The following PCNT variants were observed in gnomAD, a reference collection of about 807,000 sequenced individuals.
The protein encoded by PCNT is pericentrin.
A neutral mutation model predicts 380.4 loss-of-function variants in PCNT; 319 were observed. The ratio of observed to expected loss-of-function variants is 0.84; its 90% CI spans 0.77 to 0.92. The LOEUF is 0.92. Among genes scored for constraint, PCNT ranks in the 40% least tolerant of loss-of-function variants. The pLI, the probability that PCNT is intolerant of heterozygous loss-of-function variation, is 0.00. For missense variants in PCNT, 4,400 were observed against 4,255.3 expected (o/e 1.03, Z -0.95); for synonymous variants, 1,845 against 1,735.2 (o/e 1.06, Z -1.57).
rs969283230 is a variant in PCNT, at chr21:46,422,041, G to T, written c.7096G>T (p.Val2366Leu). The change falls in exon 32 of 47, where the codon GTG (valine) becomes TTG (leucine). Residue 2366 changes from valine (V) to leucine (L), a missense_variant. Physicochemically the swap from Val to Leu is conservative, Grantham distance 32 (BLOSUM62 1). Coordinates refer to ENST00000359568, the MANE Select transcript of PCNT (RefSeq NM_006031.6). ...CCCTGAGGCTCAAACTGCTGGTCCT[G>T]TGACCCCTGCTTCCATCTCTGGAAG... is the stretch of plus-strand genomic sequence containing the variant. ...GGPEAQTAGP[V>L]TPASISGRFQ... 1.2e-6 allele frequency: 2 copies of T among 1,614,078 alleles called. No individual in the cohort carries two copies. Among genetic ancestry groups the T allele is most frequent in the East Asian group, 2.2e-5 (1 of 44,872 alleles).
At chr21:46,417,175 G>T (rs1222203818) in intron 30 of PCNT, among the ~76,000 whole-genome samples, 1 of 142,842 alleles carries the variant, frequency 7.0e-6, no homozygotes, top group Non-Finnish European at 1.5e-5. Context: ...TTATTTTTAG[G>T]AATGCTTCCT....
chr21:46,325,190 G>A (rs970040457), intron 1 of PCNT: 1 of 985,654 alleles, frequency 1.0e-6, no homozygotes, highest in Non-Finnish European at 1.2e-6. Flanking sequence ...GGAACCGCGG[G>A]AGCAGGCCGG....
rs111408414 is a variant in PCNT, at chr21:46,440,049, C to T, written c.9274-34C>T. ...CTAAGATGCTCTTGTTGACGAGCAG[C>T]TCTGTAGACAGCGCTGGCTGTGCTT... On this transcript the variant is annotated intron_variant, in intron 41 of 46. Coordinates refer to ENST00000359568, the MANE Select transcript of PCNT (RefSeq NM_006031.6). 123 of 1,613,658 alleles carry T rather than the reference C, an allele frequency of 7.6e-5. 2 individuals are homozygous for T. In the African/African-American group the frequency reaches 1.0e-3, roughly 13 times the overall value.
rs1299568084 is a variant in PCNT, at chr21:46,382,126, C to T, written c.3312+286C>T. ...GCATTCAGTGGCAGAAGCACATTCA[C>T]GGTGTTGTGCATTCAGTGGCGGAAG... On this transcript the variant is annotated intron_variant, in intron 16 of 46. Coordinates refer to ENST00000359568, the MANE Select transcript of PCNT (RefSeq NM_006031.6). Among the ~76,000 whole-genome samples, 8 of 137,648 alleles carry T rather than the reference C, an allele frequency of 5.8e-5. No homozygotes were observed. In the East Asian group the frequency reaches 6.7e-4, roughly 12 times the overall value. 90.3% of individuals were successfully genotyped at this position (137,648 alleles called of 152,430 possible).
chr21:46,405,240 AT>A (rs1248932020), intron 27 of PCNT, among the ~76,000 whole-genome samples: 20 of 152,246 alleles, frequency 1.3e-4, no homozygotes, highest in African/African-American at 4.8e-4. Context: ...CTAAAAAAAA[AT>A]AATTTTGGAG....
intron 13 of PCNT, among the ~76,000 whole-genome samples, chr21:46,359,407 C>G (rs1380723771): frequency 7.0e-6 from 1 of 141,966 alleles, no homozygotes; most frequent in Non-Finnish European, 1.6e-5. Flanking sequence ...CACGTGTACA[C>G]ATTTGTGATT....
At chr21:46,399,215 TC>T (rs1418086624) in intron 24 of PCNT, among the ~76,000 whole-genome samples, 2 of 84,398 alleles carry the variant, frequency 2.4e-5, no homozygotes, top group Non-Finnish European at 4.9e-5. Context: ...ACCCTATACT[TC>T]CTTTAGATCT....
intron 13 of PCNT, among the ~76,000 whole-genome samples, chr21:46,358,049 G>T (rs2084541307): frequency 6.6e-6 from 1 of 152,220 alleles, no homozygotes. Flanking sequence ...TGCTGGAGCA[G>T]TGGATTTCAA....
intron 1 of PCNT, chr21:46,324,757 T>C: frequency 2.1e-6 from 1 of 486,670 alleles, no homozygotes; most frequent in Non-Finnish European, 2.7e-6. Context: ...GGTATTCGGG[T>C]GGCTGCTTGG....
intron 24 of PCNT, 138 bp from the exon 25 acceptor site, chr21:46,399,452 G>A: frequency 2.9e-6 from 2 of 696,508 alleles, no homozygotes; most frequent in Non-Finnish European, 5.2e-6. Flanking sequence ...CAGCCTGTGA[G>A]TCTAGGTCTC....
chr21:46,399,555 C>T (rs1457051097), intron 24 of PCNT, 35 bp from the exon 25 acceptor site: 2 of 1,490,896 alleles, frequency 1.3e-6, no homozygotes, highest in African/African-American at 1.4e-5. Context: ...ATAAAACATT[C>T]TATTGTATTC....
At position 46,436,117 on chromosome 21, in the gene PCNT, C is replaced by T. The variant is rs1365044321; in HGVS notation, c.8965C>T (p.Leu2989Phe). 1 of 1,609,904 alleles carries T rather than the reference C, an allele frequency of 6.2e-7. No individual in the cohort carries two copies. The highest frequency in any genetic ancestry group is 8.5e-7 in the Non-Finnish European group (1 of 1,179,870). The change falls in exon 39 of 47, where the codon CTC (leucine) becomes TTC (phenylalanine). Residue 2989 changes from leucine to phenylalanine, a missense_variant. Transcript: ENST00000359568. ...GCGGCTGCTCTCTGCCGCCCGGCTT[C>T]TCACCAGCTTCACCAGCCAGGCCGT... ...RQRLLSAARL[L>F]TSFTSQAVDR...
Position 46,383,983 on chromosome 21 carries a change from A to G in PCNT, c.3313-1849A>G, listed in dbSNP as rs1214861483. Among the ~76,000 whole-genome samples, 172 of 84,002 alleles carry G rather than the reference A, an allele frequency of 2.0e-3. 1 individual carries two copies. The highest frequency in any genetic ancestry group is 0.028 in the Middle Eastern group (2 of 72). The allele number at this position is 84,002 out of a possible 152,430, so 55.1% of individuals were successfully genotyped here. On this transcript the variant is annotated intron_variant, in intron 16 of 46. Transcript: ENST00000359568. ...ATTCAGTGGCGGAAGCGCATTCACCATGTTGTATATTCAGTGGCGGAAGCG... is the reference window on the plus strand; with the variant it reads ...ATTCAGTGGCGGAAGCGCATTCACCGTGTTGTATATTCAGTGGCGGAAGCG...
At chr21:46,336,844 C>T (rs181681334) in intron 3 of PCNT, among the ~76,000 whole-genome samples, 1 of 151,742 alleles carries the variant, frequency 6.6e-6, no homozygotes, top group East Asian at 1.9e-4. Context: ...ATACTGATAC[C>T]TCAGAGCCTA....
At chr21:46,410,635 G>A (rs1410104586) in intron 27 of PCNT, among the ~76,000 whole-genome samples, 1 of 152,206 alleles carries the variant, frequency 6.6e-6, no homozygotes, top group Non-Finnish European at 1.5e-5. Flanking sequence ...TTACATGGCT[G>A]AGGATTATGT....
intron 27 of PCNT, among the ~76,000 whole-genome samples, chr21:46,410,948 A>G (rs767161536): frequency 2.6e-5 from 4 of 152,242 alleles, no homozygotes; most frequent in Admixed American, 1.3e-4. Flanking sequence ...ATGGAAAATG[A>G]CTGCATTAGA....
At chr21:46,444,955 G>A in intron 46 of PCNT, 134 bp downstream of exon 46, 1 of 838,116 alleles carries the variant, frequency 1.2e-6, no homozygotes, top group Non-Finnish European at 2.0e-6. Context: ...GTCACTAATA[G>A]TATTAGAATA....
At chr21:46,355,655 C>A in intron 12 of PCNT, 29 bp downstream of exon 12, 1 of 1,610,608 alleles carries the variant, frequency 6.2e-7, no homozygotes, top group South Asian at 1.1e-5. Flanking sequence ...GCCATGGTGT[C>A]GGCAGGTCCC....
At position 46,388,793 on chromosome 21, in the gene PCNT, G is replaced by A. The variant is rs1488535052; in HGVS notation, c.3516G>A (p.Thr1172=). The change falls in exon 18 of 47, where the codon ACG becomes ACA. Residue 1172 remains threonine (T), a synonymous_variant. Transcript: ENST00000359568. The surrounding 1 kb of genome is among the most constrained non-coding windows in gnomAD (Gnocchi z 4.2). ...GGCTGCTGGGTTTGTTTGGAGAGACGCTGAGGGCAGCCGTCACCCTGAGGA... is the reference window on the plus strand; with the variant it reads ...GGCTGCTGGGTTTGTTTGGAGAGACACTGAGGGCAGCCGTCACCCTGAGGA... ...LRRLLGLFGE[T]LRAAVTLRSR... 14 of 1,613,514 alleles carry A rather than the reference G, an allele frequency of 8.7e-6. No homozygotes were observed. The highest frequency in any genetic ancestry group is 1.1e-5 in the South Asian group (1 of 91,078).
Sources: allele counts gnomAD v4.1 joint callset (sites outside exome capture counted in the v4.1 genomes callset), GRCh38; gene constraint gnomAD v4.1.1; non-coding constraint Gnocchi (gnomAD v3.1); transcripts MANE v1.5; gene names NCBI Gene and HGNC (gene_info 2026-07-23, HGNC 2026-07-21).